Variants in DNASE1L3 observed in about 807,000 individuals in gnomAD.
DNASE1L3 encodes deoxyribonuclease gamma.
A neutral mutation model predicts 30.9 loss-of-function variants in DNASE1L3; 27 were observed. The ratio of observed to expected loss-of-function variants is 0.87; its 90% confidence interval spans 0.64 to 1.20. The LOEUF is 1.20. DNASE1L3 is among the 50% of genes most tolerant of loss of function. The pLI, the probability that DNASE1L3 is intolerant of heterozygous loss-of-function variation, is 0.00. For missense variants in DNASE1L3, 364 were observed against 378.2 expected, an observed-to-expected ratio of 0.96 and a Z score of 0.31; for synonymous variants, 135 against 138.0, an observed-to-expected ratio of 0.98 and a Z score of 0.15.
chr3:58,199,968 G>C (rs1408414455), intron 5 of DNASE1L3, among the ~76,000 whole-genome samples: 1 of 152,148 alleles, frequency 6.6e-6, no homozygotes, highest in African/African-American at 2.4e-5. Flanking sequence ...AGGAGGAAGG[G>C]GGATCACAGG....
chr3:58,194,527 C>T (rs1467593466), intron 6 of DNASE1L3, among the ~76,000 whole-genome samples: 3 of 150,204 alleles, frequency 2.0e-5, no homozygotes, highest in Non-Finnish European at 4.4e-5. Flanking sequence ...TCCCTGTTGG[C>T]CAGGCTGGTC....
intron 4 of DNASE1L3, among the ~76,000 whole-genome samples, chr3:58,201,405 A>G (rs1300939890): frequency 6.6e-6 from 1 of 152,222 alleles, no homozygotes; most frequent in Admixed American, 6.5e-5. Context: ...CTTCTTATTA[A>G]AGAATAAATC....
rs556494514 is a variant in DNASE1L3 at position 58,197,857 on chromosome 3, G to C, written c.668C>G (p.Thr223Ser). 169 of 1,614,176 alleles carry C rather than the reference G, an allele frequency of 1.0e-4. 3 individuals carry two copies. The South Asian group carries it at 1.8e-3, about 17-fold the overall frequency. ...FVWLIGDQED[T>S]TVKKSTNCAY... Reference sequence around the variant, plus strand: ...ACAGTTGGTGCTCTTCTTCACCGTGGTGTCCTCTTGGTCCCCGATCAGCCA... The same window carrying C: ...ACAGTTGGTGCTCTTCTTCACCGTGCTGTCCTCTTGGTCCCCGATCAGCCA... The change falls in exon 6 of 8, where the codon ACC (threonine) becomes AGC (serine). Residue 223 changes from threonine (T) to serine (S), a missense_variant. Thr to Ser is a moderately conservative substitution (Grantham distance 58). Transcript: ENST00000394549. This position sits in a 1 kb window ranked among gnomAD's most constrained non-coding sequence, Gnocchi z 5.3.
At chr3:58,193,065 A>C (rs1278459224) in intron 7 of DNASE1L3, 6 of 1,420,812 alleles carry the variant, frequency 4.2e-6, no homozygotes, top group Non-Finnish European at 4.6e-6. Flanking sequence ...AAAGGGTGGC[A>C]TCAACCCATC....
rs371776069 is a variant in DNASE1L3, at chr3:58,204,770, A to G, written c.432T>C (p.Thr144=). 8.7e-6 allele frequency: 14 copies of G among 1,613,828 alleles called. No individual in the cohort carries two copies. Among genetic ancestry groups the G allele is most frequent in the African/African-American group, 4.0e-5 (3 of 74,918 alleles). Residue 144 remains threonine, a splice_region_variant and synonymous_variant, in exon 4 of 8, where the codon ACT becomes ACC. Transcript: ENST00000394549. ...PFVVWFQSPH[T]AVKDFVIIPL... Reference sequence around the variant, plus strand: ...CAGAAAGGCCTGTGTGGGTCTTACCAGTGTGGGGAGATTGGAACCAGACCA... The same window carrying G: ...CAGAAAGGCCTGTGTGGGTCTTACCGGTGTGGGGAGATTGGAACCAGACCA...
rs550858906 is a variant in DNASE1L3, at chr3:58,195,587, G to T, written c.705-2148C>A. 2.4e-5 allele frequency among the ~76,000 whole-genome samples: 3 copies of T among 126,256 alleles called. No individual in the cohort carries two copies. The East Asian group carries it at 7.4e-4, about 31-fold the overall frequency. 82.8% of individuals were successfully genotyped at this position (126,256 alleles called of 152,430 possible). On this transcript the variant is annotated intron_variant, in intron 6 of 7. Coordinates refer to ENST00000394549, the MANE Select transcript of DNASE1L3 (RefSeq NM_004944.4). Reference sequence around the variant, plus strand: ...GTTCAAGACCAGCCTGGCCAACATGGCGAAACCCCATCTCTACTAAAATTA... The same window carrying T: ...GTTCAAGACCAGCCTGGCCAACATGTCGAAACCCCATCTCTACTAAAATTA...
intron 5 of DNASE1L3, among the ~76,000 whole-genome samples, chr3:58,199,645 A>G (rs1384939003): frequency 1.3e-5 from 2 of 151,846 alleles, no homozygotes; most frequent in Non-Finnish European, 2.9e-5. Context: ...GCCTGGGGAC[A>G]AGAGCGAGAT....
chr3:58,210,614 A>G, intron 1 of DNASE1L3, 152 bp downstream of exon 1: 1 of 1,184,426 alleles, frequency 8.4e-7, no homozygotes, highest in Non-Finnish European at 1.2e-6. Context: ...TGACGGCAGG[A>G]GGTACAGAGA....
chr3:58,208,524 T>G lies in DNASE1L3; in HGVS notation c.142-218A>C, dbSNP rs41276479. 3.1e-3 allele frequency among the ~76,000 whole-genome samples: 466 copies of G among 152,224 alleles called. 2 individuals are homozygous for G. The highest frequency in any genetic ancestry group is 0.01 in the Middle Eastern group (3 of 294). ...TCAGAGAAAGTTGAGTAAATTACAC[T>G]CCCAATCACCCTACTAGAAAATGGC... On this transcript the variant is annotated intron_variant, in intron 1 of 7. Transcript: ENST00000394549.
rs2097398245 is a variant in DNASE1L3, at chr3:58,197,773, C to T, written c.704+48G>A. Reference sequence around the variant, plus strand: ...CAGCCACCTTGCGTCTTTCCTAGTGCACACCAAGCACTGTGGTGAGCCAGC... The same window carrying T: ...CAGCCACCTTGCGTCTTTCCTAGTGTACACCAAGCACTGTGGTGAGCCAGC... On this transcript the variant is annotated intron_variant, in intron 6 of 7. Coordinates refer to ENST00000394549, the MANE Select transcript of DNASE1L3 (RefSeq NM_004944.4). This position sits in a 1 kb window ranked among gnomAD's most constrained non-coding sequence, Gnocchi z 5.3. The T allele has an allele frequency of 3.7e-6, 6 of 1,611,522 alleles. No homozygotes were observed. In the South Asian group the frequency reaches 4.4e-5, roughly 12 times the overall value.
chr3:58,192,702 C>T lies in DNASE1L3; in HGVS notation c.903G>A (p.Lys301=). The change falls in exon 8 of 8, where the codon AAG becomes AAA. Residue 301 remains lysine, a synonymous_variant. Transcript: ENST00000394549. This position sits in a 1 kb window ranked among gnomAD's most constrained non-coding sequence, Gnocchi z 4.8. Reference sequence around the variant, plus strand: ...ACCCTTGGGTCTAGGAGCGTTTGCTCTTTGTTTTCTTCCTTAGAGTGACAG... The same window carrying T: ...ACCCTTGGGTCTAGGAGCGTTTGCTTTTTGTTTTCTTCCTTAGAGTGACAG... The part of the protein sequence containing the change: ...KKSVTLRKKT[K]SKRS The T allele has an allele frequency of 1.2e-6, 2 of 1,614,020 alleles. No homozygotes were observed. Among genetic ancestry groups the T allele is most frequent in the Non-Finnish European group, 8.5e-7 (1 of 1,179,988 alleles).
intron 6 of DNASE1L3, among the ~76,000 whole-genome samples, 170 bp from the exon 7 acceptor site, chr3:58,193,609 A>T (rs1443608057): frequency 6.6e-6 from 1 of 152,224 alleles, no homozygotes; most frequent in South Asian, 2.1e-4. Flanking sequence ...AGTGCCTACA[A>T]CTGTGAAATA....
chr3:58,197,785 T>C lies in DNASE1L3; in HGVS notation c.704+36A>G. 3 of 1,612,550 alleles carry C rather than the reference T, an allele frequency of 1.9e-6. No individual in the cohort carries two copies. The highest frequency in any genetic ancestry group is 2.5e-6 in the Non-Finnish European group (3 of 1,179,770). The stretch of plus-strand genomic sequence containing the variant: ...GTCTTTCCTAGTGCACACCAAGCAC[T>C]GTGGTGAGCCAGCAGCACCCTGCAG... On this transcript the variant is annotated intron_variant, in intron 6 of 7. Coordinates refer to ENST00000394549, the MANE Select transcript of DNASE1L3 (RefSeq NM_004944.4). This position sits in a 1 kb window ranked among gnomAD's most constrained non-coding sequence, Gnocchi z 5.3.
In DNASE1L3 at chr3:58,210,922, G is replaced by A. The variant is rs1215510236; in HGVS notation, c.-16C>T. 3 of 1,612,886 alleles carry A rather than the reference G, an allele frequency of 1.9e-6. No homozygotes were observed. The highest frequency in any genetic ancestry group is 2.7e-5 in the African/African-American group (2 of 74,902). On this transcript the variant is annotated 5_prime_UTR_variant, in exon 1 of 8. Transcript: ENST00000394549. ...CCCGTGACATCCTGGCGCTGCTCTG[G>A]CTTCAAGACTCTGTGAGAAGACAGC...
chr3:58,193,493 A>C (rs1214946920), intron 6 of DNASE1L3, 54 bp from the exon 7 acceptor site: 1 of 1,490,496 alleles, frequency 6.7e-7, no homozygotes, highest in Admixed American at 1.7e-5. Context: ...GATTGCTGAG[A>C]TCAAACCAAG....
intron 5 of DNASE1L3, 74 bp from the exon 6 acceptor site, chr3:58,198,052 G>C: frequency 1.3e-6 from 2 of 1,497,352 alleles, no homozygotes; most frequent in Non-Finnish European, 1.8e-6. Flanking sequence ...CTCTAGCAAA[G>C]ACTCTGCGTC....
At chr3:58,208,968 G>A (rs180818454) in intron 1 of DNASE1L3, among the ~76,000 whole-genome samples, 5 of 152,266 alleles carry the variant, frequency 3.3e-5, no homozygotes, top group South Asian at 2.1e-4. Context: ...AGCCGGGCAC[G>A]GTGGCTTACG....
At chr3:58,209,327 G>T (rs1004779362) in intron 1 of DNASE1L3, among the ~76,000 whole-genome samples, 1 of 152,170 alleles carries the variant, frequency 6.6e-6, no homozygotes, top group Non-Finnish European at 1.5e-5. Flanking sequence ...GACTCACCAA[G>T]GAACAAAAAG....
chr3:58,194,864 G>A (rs1002469323), intron 6 of DNASE1L3, among the ~76,000 whole-genome samples: 9 of 152,084 alleles, frequency 5.9e-5, no homozygotes, highest in East Asian at 1.9e-4. Flanking sequence ...TCCTGACCTC[G>A]TGATCCACCG....
Sources: allele counts gnomAD v4.1 joint callset (sites outside exome capture counted in the v4.1 genomes callset), GRCh38; gene constraint gnomAD v4.1.1; non-coding constraint Gnocchi (gnomAD v3.1); transcripts MANE v1.5; gene names NCBI Gene and HGNC (gene_info 2026-07-23, HGNC 2026-07-21).